The following PIP5K1B variants were observed in gnomAD, a reference collection of about 807,000 sequenced individuals.
PIP5K1B encodes the protein phosphatidylinositol-4-phosphate 5-kinase type 1 beta.
A neutral mutation model predicts 67.0 loss-of-function variants in PIP5K1B; 42 were observed. The observed-to-expected ratio is 0.63, with a 90% confidence interval of 0.49 to 0.81. PIP5K1B has a LOEUF of 0.81. Ranked by LOEUF, PIP5K1B falls within the 30% of genes least tolerant of loss-of-function variation. The probability of loss-of-function intolerance (pLI) is 0.00; values close to 1 mark genes in which losing one functional copy is unlikely to be tolerated. For synonymous variants in PIP5K1B, 214 were observed against 231.4 expected (o/e 0.92, Z 0.68); for missense variants, 459 against 646.3 (o/e 0.71, Z 3.14).
At chr9:68,988,360 A>G (rs530715438) in intron 14 of PIP5K1B, among the ~76,000 whole-genome samples, 21 of 150,618 alleles carry the variant, frequency 1.4e-4, no homozygotes, top group Non-Finnish European at 2.5e-4. Flanking sequence ...ATATATTAAT[A>G]TATTTGATAC....
intron 1 of PIP5K1B, among the ~76,000 whole-genome samples, chr9:68,715,801 G>T (rs564356790): frequency 1.5e-4 from 23 of 152,266 alleles, no homozygotes; most frequent in African/African-American, 5.3e-4. Context: ...TCATATTGCC[G>T]ATCCTGTCCA....
chr9:69,008,425 C>G (rs1831184188), intron 15 of PIP5K1B, 22 bp from the exon 16 acceptor site: 1 of 1,613,204 alleles, frequency 6.2e-7, no homozygotes, highest in African/African-American at 1.3e-5. Context: ...TAGTCTCACA[C>G]CTGCTTTTTT....
At chr9:68,842,688 G>A (rs975255975) in intron 4 of PIP5K1B, among the ~76,000 whole-genome samples, 1 of 152,188 alleles carries the variant, frequency 6.6e-6, no homozygotes, top group Non-Finnish European at 1.5e-5. Flanking sequence ...TGGTTTTTAT[G>A]TCTGGAGGAA....
intron 8 of PIP5K1B, among the ~76,000 whole-genome samples, chr9:68,896,332 C>A (rs1203613329): frequency 6.8e-6 from 1 of 147,204 alleles, no homozygotes; most frequent in African/African-American, 2.5e-5. Flanking sequence ...CTTCTAATAC[C>A]ACATGCTTCT....
chr9:68,894,014 C>T (rs537548740), intron 7 of PIP5K1B, among the ~76,000 whole-genome samples: 1 of 152,298 alleles, frequency 6.6e-6, no homozygotes, highest in South Asian at 2.1e-4. Flanking sequence ...CATACCTTGG[C>T]AATTCGTTTT....
chr9:68,707,806 G>A (rs1827194024), intron 1 of PIP5K1B: 1 of 152,182 alleles, frequency 6.6e-6, no homozygotes, highest in Non-Finnish European at 1.5e-5. Flanking sequence ...TGCCCCCAGT[G>A]ACCTGGGTTC....
At chr9:68,709,166 A>G (rs1827264113) in intron 1 of PIP5K1B, among the ~76,000 whole-genome samples, 1 of 152,210 alleles carries the variant, frequency 6.6e-6, no homozygotes, top group Non-Finnish European at 1.5e-5. Context: ...TACATTTGAA[A>G]ATGGTTTAGC....
At chr9:68,816,254 G>A (rs1330838601) in intron 2 of PIP5K1B, among the ~76,000 whole-genome samples, 3 of 151,924 alleles carry the variant, frequency 2.0e-5, no homozygotes, top group African/African-American at 4.8e-5. Context: ...TCAGCCTCCC[G>A]AGTAGCTGGG....
chr9:68,971,668 C>T (rs1471470364), intron 14 of PIP5K1B, among the ~76,000 whole-genome samples: 2 of 152,222 alleles, frequency 1.3e-5, no homozygotes, highest in East Asian at 1.9e-4. Context: ...TGTTTCCTGA[C>T]ATTTTAATGA....
At chr9:68,925,858 C>T (rs1415568318) in intron 12 of PIP5K1B, among the ~76,000 whole-genome samples, 3 of 126,526 alleles carry the variant, frequency 2.4e-5, no homozygotes, top group South Asian at 5.5e-4. Context: ...AGTGCAGTGG[C>T]GTGATTTCAG....
At chr9:68,945,528 A>T (rs1419168791) in intron 14 of PIP5K1B, among the ~76,000 whole-genome samples, 2 of 152,234 alleles carry the variant, frequency 1.3e-5, no homozygotes, top group Admixed American at 1.3e-4. Context: ...AGCATTGCAA[A>T]GGCAACTTTT....
chr9:68,803,907 G>T (rs1464891994), intron 2 of PIP5K1B, among the ~76,000 whole-genome samples: 1 of 152,212 alleles, frequency 6.6e-6, no homozygotes, highest in Non-Finnish European at 1.5e-5. Context: ...AGAGCCTGCT[G>T]TGTGCAAGGT....
intron 6 of PIP5K1B, among the ~76,000 whole-genome samples, chr9:68,881,104 G>T (rs11144102): frequency 0.028 from 4,331 of 152,266 alleles, 109 homozygotes; most frequent in East Asian, 0.11. Flanking sequence ...ACACATTGGT[G>T]GGGGCAGAGC....
At chr9:68,906,155 A>C (rs1207887897) in intron 8 of PIP5K1B, among the ~76,000 whole-genome samples, 3 of 152,078 alleles carry the variant, frequency 2.0e-5, no homozygotes, top group Non-Finnish European at 4.4e-5. Flanking sequence ...AGTAGCTGGG[A>C]CTACAAGCAC....
chr9:68,933,095 G>A (rs1446534884), intron 12 of PIP5K1B, among the ~76,000 whole-genome samples: 84 of 145,274 alleles, frequency 5.8e-4, no homozygotes, highest in Admixed American at 1.6e-3. Context: ...GCAAAACTCC[G>A]TCTCAAAAAA....
intron 12 of PIP5K1B, among the ~76,000 whole-genome samples, chr9:68,933,495 A>AGTTT (rs1353457875): frequency 6.6e-6 from 1 of 152,162 alleles, no homozygotes; most frequent in Non-Finnish European, 1.5e-5. Flanking sequence ...TTCTCCCCTC[A>AGTTT]GTTTAACCAG....
At chr9:68,977,488 A>G (rs11144616) in intron 14 of PIP5K1B, among the ~76,000 whole-genome samples, 1 of 152,166 alleles carries the variant, frequency 6.6e-6, no homozygotes, top group Non-Finnish European at 1.5e-5. Context: ...GGGCTACTGC[A>G]CTCCAGCCTG....
chr9:68,775,038 A>T (rs1830848671), intron 2 of PIP5K1B, among the ~76,000 whole-genome samples: 1 of 152,216 alleles, frequency 6.6e-6, no homozygotes, highest in Non-Finnish European at 1.5e-5. Flanking sequence ...ACCATCACTT[A>T]TTTGCAGTAA....
intron 2 of PIP5K1B, among the ~76,000 whole-genome samples, chr9:68,768,105 A>G (rs1318857323): frequency 1.3e-5 from 2 of 152,224 alleles, no homozygotes; most frequent in African/African-American, 2.4e-5. Flanking sequence ...GAAATAATAG[A>G]CATAAATATT....
Sources: allele counts gnomAD v4.1 joint callset (sites outside exome capture counted in the v4.1 genomes callset), GRCh38; gene constraint gnomAD v4.1.1; transcripts MANE v1.5; gene names NCBI Gene and HGNC (gene_info 2026-07-23, HGNC 2026-07-21).